Variants in ANOS1 observed in about 807,000 individuals in gnomAD.
ANOS1 encodes the protein anosmin-1.
ANOS1 carries 6 observed loss-of-function variants against 59.0 expected under a neutral mutation model. The ratio of observed to expected loss-of-function variants is 0.10; its 90% CI spans 0.06 to 0.20. ANOS1 has a LOEUF of 0.20. Ranked by LOEUF, ANOS1 falls within the 10% of genes least tolerant of loss-of-function variation. The pLI, the probability that ANOS1 is intolerant of heterozygous loss-of-function variation, is 1.00. For missense variants in ANOS1, 433 were observed against 542.3 expected, an observed-to-expected ratio of 0.80 and a Z score of 2.00; for synonymous variants, 217 against 223.4, an observed-to-expected ratio of 0.97 and a Z score of 0.25.
intron 8 of ANOS1, among the ~76,000 whole-genome samples, chrX:8,559,866 C>T (rs748922381): frequency 1.2e-4 from 13 of 111,250 alleles, no homozygotes; most frequent in Non-Finnish European, 2.1e-4. Flanking sequence ...TAATTTGTTC[C>T]TCAAACTCAA....
chrX:8,670,455 T>C (rs993299871), intron 2 of ANOS1, among the ~76,000 whole-genome samples: 5 of 111,040 alleles, frequency 4.5e-5, no homozygotes, highest in African/African-American at 1.6e-4. Flanking sequence ...CTAACATCCA[T>C]CATGTCGCCT....
In ANOS1 at chrX:8,709,111, C is replaced by T. The variant is rs1329614263; in HGVS notation, c.208-9366G>A. ...GGGAACATTACACACCAGAGCCTGT[C>T]AGGGGGTGGGGGGTGAGGGGAGGGA... On this transcript the variant is annotated intron_variant, in intron 1 of 13. Transcript: ENST00000262648. Among the ~76,000 whole-genome samples, 70 of 108,483 alleles carry T rather than the reference C, an allele frequency of 6.5e-4. 2 individuals carry two copies. Among genetic ancestry groups the T allele is most frequent in the Non-Finnish European group, 3.8e-4 (20 of 52,389 alleles). The allele number at this position is 108,483 out of a possible 115,157, so 94.2% of individuals were successfully genotyped here.
chrX:8,532,969 A>G lies in ANOS1; in HGVS notation c.*26T>C, dbSNP rs377183421. ...GTTCAACAAGCTTACACATCTGTGCAATTTCACAAAATCTTTTTGAACAGT... is the reference window on the plus strand; with the variant it reads ...GTTCAACAAGCTTACACATCTGTGCGATTTCACAAAATCTTTTTGAACAGT... On this transcript the variant is annotated 3_prime_UTR_variant, in exon 14 of 14. Transcript: ENST00000262648. The G allele has an allele frequency of 5.9e-5, 60 of 1,011,824 alleles. No individual in the cohort carries two copies. Among genetic ancestry groups the G allele is most frequent in the Non-Finnish European group, 7.7e-5 (55 of 714,673 alleles). 83.4% of individuals were successfully genotyped at this position (1,011,824 alleles called of 1,213,427 possible).
At chrX:8,533,409 G>A (rs1929532625) in intron 13 of ANOS1, among the ~76,000 whole-genome samples, 1 of 112,229 alleles carries the variant, frequency 8.9e-6, no homozygotes, top group African/African-American at 3.2e-5. Flanking sequence ...TATCAGAAAA[G>A]CATTTATCTG....
intron 1 of ANOS1, among the ~76,000 whole-genome samples, chrX:8,724,777 C>T (rs1186505812): frequency 4.5e-5 from 5 of 112,175 alleles, no homozygotes; most frequent in Non-Finnish European, 9.4e-5. Flanking sequence ...CAAAATGACA[C>T]ATTTTCCTAA....
intron 10 of ANOS1, 145 bp downstream of exon 10, chrX:8,539,519 T>C (rs1343220011): frequency 6.6e-6 from 6 of 908,388 alleles, no homozygotes; most frequent in Non-Finnish European, 9.4e-6. Flanking sequence ...GTGAATATAA[T>C]GACCATTCTG....
chrX:8,612,013 A>AGAAGT (rs1165663220), intron 3 of ANOS1, among the ~76,000 whole-genome samples: 1 of 112,169 alleles, frequency 8.9e-6, no homozygotes, highest in African/African-American at 3.2e-5. Flanking sequence ...CAACAAATGT[A>AGAAGT]GAAGTATGAT....
chrX:8,631,544 GT>G (rs34221837), intron 2 of ANOS1, among the ~76,000 whole-genome samples: 2 of 110,470 alleles, frequency 1.8e-5, no homozygotes, highest in Non-Finnish European at 3.8e-5. Context: ...GTTTAGTAAA[GT>G]TTTTTTTTCT....
chrX:8,687,632 A>G (rs1932544550), intron 2 of ANOS1, among the ~76,000 whole-genome samples: 1 of 106,249 alleles, frequency 9.4e-6, no homozygotes, highest in African/African-American at 3.4e-5. Context: ...ACACACACTG[A>G]TTACCCAAAG....
chrX:8,686,893 G>A (rs750182338), intron 2 of ANOS1, among the ~76,000 whole-genome samples: 2 of 112,039 alleles, frequency 1.8e-5, no homozygotes, highest in Non-Finnish European at 3.8e-5. Flanking sequence ...AGTGGAGGTT[G>A]CAGTGAGCCA....
chrX:8,704,425 A>C (rs1363722524), intron 1 of ANOS1, among the ~76,000 whole-genome samples: 11 of 110,279 alleles, frequency 1.0e-4, no homozygotes, highest in Non-Finnish European at 7.6e-5. Flanking sequence ...CCCCACACCA[A>C]CTCTCCTTCT....
At chrX:8,561,923 TTTTC>T (rs1267662744) in intron 8 of ANOS1, among the ~76,000 whole-genome samples, 3 of 110,796 alleles carry the variant, frequency 2.7e-5, no homozygotes, top group South Asian at 3.8e-4. Context: ...TAGGCAAACT[TTTTC>T]TTTCTTTCTT....
intron 2 of ANOS1, among the ~76,000 whole-genome samples, chrX:8,639,524 C>G (rs1157203326): frequency 9.0e-6 from 1 of 111,715 alleles, no homozygotes; most frequent in Non-Finnish European, 1.9e-5. Context: ...CAAGAGGAAA[C>G]AGATTTGCTT....
chrX:8,695,094 T>C (rs1200926475), intron 2 of ANOS1, among the ~76,000 whole-genome samples: 2 of 111,546 alleles, frequency 1.8e-5, no homozygotes, highest in Non-Finnish European at 3.8e-5. Context: ...GGCAGATCAC[T>C]TGAGGCCAGG....
At chrX:8,604,552 A>T (rs1222187973) in intron 3 of ANOS1, among the ~76,000 whole-genome samples, 2 of 112,083 alleles carry the variant, frequency 1.8e-5, no homozygotes, top group Non-Finnish European at 3.8e-5. Flanking sequence ...TAGCAAACAA[A>T]TTTTTAATCT....
rs143517888 is a variant in ANOS1, at chrX:8,581,814, C to T, written c.856+3453G>A. Reference sequence around the variant, plus strand: ...ATAAAATTGTCTCATCTTAAGTGCTCACTGACATTCTTATATTTACTGTGT... The same window carrying T: ...ATAAAATTGTCTCATCTTAAGTGCTTACTGACATTCTTATATTTACTGTGT... On this transcript the variant is annotated intron_variant, in intron 6 of 13. Transcript: ENST00000262648. Among the ~76,000 whole-genome samples, 385 of 112,007 alleles carry T rather than the reference C, an allele frequency of 3.4e-3. 2 individuals are homozygous for T. The highest frequency in any genetic ancestry group is 0.011 in the African/African-American group (350 of 30,893).
In ANOS1 at chrX:8,576,477, C is replaced by CACACACACACAT. The variant is rs1209841428; in HGVS notation, c.857-5774_857-5773insATGTGTGTGTGT. ...ATTTATATATATATATACACACACA[C>CACACACACACAT]ACACACACACACATACACACACACA... On this transcript the variant is annotated intron_variant, in intron 6 of 13. Coordinates refer to ENST00000262648, the MANE Select transcript of ANOS1 (RefSeq NM_000216.4). 1.9e-3 allele frequency among the ~76,000 whole-genome samples: 191 copies of CACACACACACAT among 101,813 alleles called. 2 individuals carry two copies. Among genetic ancestry groups the CACACACACACAT allele is most frequent in the African/African-American group, 6.9e-3 (178 of 25,692 alleles). The allele number at this position is 101,813 out of a possible 115,157, so 88.4% of individuals were successfully genotyped here.
At chrX:8,616,868 T>C (rs1365929253) in intron 3 of ANOS1, among the ~76,000 whole-genome samples, 1 of 112,006 alleles carries the variant, frequency 8.9e-6, no homozygotes, top group African/African-American at 3.2e-5. Context: ...GCAGGTCCCA[T>C]TCTAGTGTCT....
chrX:8,624,563 G>T (rs1387438325), intron 2 of ANOS1, among the ~76,000 whole-genome samples: 7 of 110,888 alleles, frequency 6.3e-5, no homozygotes, highest in Non-Finnish European at 9.4e-5. Context: ...AAAATACATT[G>T]AATAAATCTG....
Sources: gnomAD v4.1 joint callset for allele counts (sites outside exome capture counted in the v4.1 genomes callset) on GRCh38, gnomAD v4.1.1 for gene constraint, MANE v1.5 for transcripts, NCBI Gene and HGNC (gene_info 2026-07-23, HGNC 2026-07-21) for gene names.